Variants in CREB5 observed in about 807,000 individuals in gnomAD.
CREB5 encodes the protein cyclic AMP-responsive element-binding protein 5.
Under a neutral mutation model 57.1 loss-of-function variants are expected in CREB5, and 19 were observed. That is an observed-to-expected ratio of 0.33 (90% CI 0.23 to 0.49). The LOEUF (loss-of-function observed/expected upper bound fraction) is 0.49. Among genes scored for constraint, CREB5 ranks in the 20% least tolerant of loss-of-function variants. CREB5 has a pLI of 0.99. For missense variants in CREB5, 579 were observed against 671.6 expected, an observed-to-expected ratio of 0.86 and a Z score of 1.52; for synonymous variants, 238 against 238.3, an observed-to-expected ratio of 1.00 and a Z score of 0.01.
chr7:28,354,928 T>C (rs1786310033), intron 1 of CREB5, among the ~76,000 whole-genome samples: 1 of 152,156 alleles, frequency 6.6e-6, no homozygotes, highest in South Asian at 2.1e-4. Context: ...AGCAAAAGGA[T>C]GGAAAGAGCC....
intron 4 of CREB5, among the ~76,000 whole-genome samples, chr7:28,536,062 C>G (rs528837396): frequency 1.7e-3 from 262 of 152,280 alleles, no homozygotes; most frequent in African/African-American, 6.1e-3. Flanking sequence ...TTTATTGTCA[C>G]AAGTCACTCC....
intron 1 of CREB5, among the ~76,000 whole-genome samples, chr7:28,466,286 T>C (rs1790565279): frequency 6.7e-6 from 1 of 149,674 alleles, no homozygotes; most frequent in Admixed American, 6.7e-5. Flanking sequence ...GGAATGATAA[T>C]GTTCTCCAAG....
At chr7:28,479,234 A>G (rs1387558898) in intron 1 of CREB5, among the ~76,000 whole-genome samples, 6 of 152,024 alleles carry the variant, frequency 3.9e-5, no homozygotes, top group Admixed American at 6.5e-5. Flanking sequence ...ACTATTGGCT[A>G]TCAGATCAGG....
At chr7:28,397,204 G>A (rs1237935929) in intron 1 of CREB5, among the ~76,000 whole-genome samples, 1 of 152,224 alleles carries the variant, frequency 6.6e-6, no homozygotes, top group Non-Finnish European at 1.5e-5. Flanking sequence ...GGTCCCATAT[G>A]TGAGGATGTG....
At chr7:28,665,911 AAG>A (rs2128716233) in intron 5 of CREB5, among the ~76,000 whole-genome samples, 1 of 152,226 alleles carries the variant, frequency 6.6e-6, no homozygotes, top group Admixed American at 6.5e-5. Context: ...AGGAAGAACA[AAG>A]AGTGCTGCCG....
At chr7:28,555,451 G>A (rs193167444) in intron 4 of CREB5, among the ~76,000 whole-genome samples, 2 of 152,150 alleles carry the variant, frequency 1.3e-5, no homozygotes, top group Admixed American at 1.3e-4. Flanking sequence ...AAGGCGTTTT[G>A]TACTGAGATT....
intron 5 of CREB5, among the ~76,000 whole-genome samples, chr7:28,686,548 G>A (rs770182793): frequency 6.6e-6 from 1 of 152,112 alleles, no homozygotes; most frequent in Non-Finnish European, 1.5e-5. Flanking sequence ...AGAGCGAAGC[G>A]AGAAAGAGCA....
intron 5 of CREB5, among the ~76,000 whole-genome samples, chr7:28,625,531 T>C (rs1399071919): frequency 1.3e-5 from 2 of 152,180 alleles, no homozygotes; most frequent in East Asian, 3.9e-4. Context: ...GGAGTTAAAA[T>C]CCCAAAGCAC....
At chr7:28,766,436 A>G (rs1805991637) in intron 7 of CREB5, among the ~76,000 whole-genome samples, 1 of 152,218 alleles carries the variant, frequency 6.6e-6, no homozygotes, top group African/African-American at 2.4e-5. Flanking sequence ...TGAATGATAA[A>G]GCATTAACAT....
At chr7:28,307,481 A>T (rs1348163853) in intron 1 of CREB5, among the ~76,000 whole-genome samples, 2 of 152,154 alleles carry the variant, frequency 1.3e-5, no homozygotes, top group Non-Finnish European at 2.9e-5. Flanking sequence ...TAATGCCTTG[A>T]TCTTGGACTT....
chr7:28,790,027 T>C (rs1168355835), intron 7 of CREB5, among the ~76,000 whole-genome samples: 1 of 152,256 alleles, frequency 6.6e-6, no homozygotes, highest in Non-Finnish European at 1.5e-5. Flanking sequence ...ATGGAAGGAA[T>C]GAAAGCACTT....
intron 4 of CREB5, among the ~76,000 whole-genome samples, chr7:28,515,473 C>A (rs1437333424): frequency 6.6e-6 from 1 of 152,176 alleles, no homozygotes; most frequent in Non-Finnish European, 1.5e-5. Flanking sequence ...TGGTCTCTAG[C>A]CTCTAGCTGT....
At chr7:28,653,478 A>G (rs1799220275) in intron 5 of CREB5, among the ~76,000 whole-genome samples, 2 of 152,142 alleles carry the variant, frequency 1.3e-5, no homozygotes, top group African/African-American at 4.8e-5. Context: ...AGAAGTAGCT[A>G]TTTCCATGCT....
chr7:28,489,269 G>A (rs1456848322), intron 2 of CREB5, among the ~76,000 whole-genome samples: 1 of 147,100 alleles, frequency 6.8e-6, no homozygotes, highest in African/African-American at 2.5e-5. Flanking sequence ...ATGAGAGCTT[G>A]ATAAGAAGGA....
At chr7:28,598,326 A>G (rs310355) in intron 5 of CREB5, among the ~76,000 whole-genome samples, 75,588 of 152,040 alleles carry the variant, frequency 0.5, 19,377 homozygotes, top group Middle Eastern at 0.56. Context: ...CTGTAAGTCC[A>G]ATTAAACCTC....
At chr7:28,434,259 G>A (rs1033912547) in intron 1 of CREB5, among the ~76,000 whole-genome samples, 4 of 151,946 alleles carry the variant, frequency 2.6e-5, no homozygotes, top group African/African-American at 9.7e-5. Context: ...ATACCTCAAA[G>A]GTATGCACTA....
At chr7:28,621,627 C>T (rs1045380335) in intron 5 of CREB5, among the ~76,000 whole-genome samples, 1 of 152,110 alleles carries the variant, frequency 6.6e-6, no homozygotes, top group Non-Finnish European at 1.5e-5. Context: ...TAGAATTCAA[C>T]CCCGTTCATT....
intron 4 of CREB5, among the ~76,000 whole-genome samples, chr7:28,531,646 C>T (rs1007437148): frequency 5.3e-5 from 8 of 152,136 alleles, no homozygotes; most frequent in Non-Finnish European, 2.9e-5. Context: ...CAATGCAACA[C>T]GTAACACCAT....
chr7:28,784,503 TC>T (rs1250961120), intron 7 of CREB5, among the ~76,000 whole-genome samples: 1 of 147,510 alleles, frequency 6.8e-6, no homozygotes, highest in Non-Finnish European at 1.5e-5. Flanking sequence ...GATTTTTTTT[TC>T]CCCCTCCTGG....
Sources: allele counts gnomAD v4.1 joint callset (sites outside exome capture counted in the v4.1 genomes callset), GRCh38; gene constraint gnomAD v4.1.1; transcripts MANE v1.5; gene names NCBI Gene and HGNC (gene_info 2026-07-23, HGNC 2026-07-21).